Variants in FAM161B observed in about 807,000 individuals in gnomAD.
FAM161B encodes the protein protein FAM161B.
Under a neutral mutation model 61.5 loss-of-function variants are expected in FAM161B, and 46 were observed. The ratio of observed to expected loss-of-function variants is 0.75; its 90% CI spans 0.59 to 0.96. The LOEUF (loss-of-function observed/expected upper bound fraction) is 0.96, where lower values mean the gene tolerates loss of function less well. Ranked by LOEUF, FAM161B falls within the 40% of genes least tolerant of loss-of-function variation. The pLI is 0.00. For missense variants in FAM161B, 774 were observed against 800.7 expected, an observed-to-expected ratio of 0.97 and a Z score of 0.40; for synonymous variants, 284 against 302.7, an observed-to-expected ratio of 0.94 and a Z score of 0.64.
At position 73,950,076 on chromosome 14, in the gene FAM161B, C is replaced by T. The variant is rs1178939131; in HGVS notation, c.-50G>A. Reference sequence around the variant, plus strand: ...ACAGTGACAGCGATAGTGGCAGCAGCGGTGGCAGCGAGAGCTATGCGGGGC... The same window carrying T: ...ACAGTGACAGCGATAGTGGCAGCAGTGGTGGCAGCGAGAGCTATGCGGGGC... On this transcript the variant is annotated 5_prime_UTR_variant, in exon 1 of 9. Transcript: ENST00000286544. 1.9e-5 allele frequency: 30 copies of T among 1,604,750 alleles called. No homozygotes were observed. Among genetic ancestry groups the T allele is most frequent in the Non-Finnish European group, 2.5e-5 (29 of 1,179,094 alleles).
intron 4 of FAM161B, 130 bp downstream of exon 4, chr14:73,942,239 C>CGTTGGTGT: frequency 1.1e-6 from 1 of 895,540 alleles, no homozygotes. Context: ...AGTGAATCTG[C>CGTTGGTGT]TTACAACTGA....
Position 73,937,727 on chromosome 14 carries a change from G to T in FAM161B, c.1566-26C>A, listed in dbSNP as rs745536636. On this transcript the variant is annotated intron_variant, in intron 6 of 8. Coordinates refer to ENST00000286544, the MANE Select transcript of FAM161B (RefSeq NM_152445.3). ...CTGGAATTAGCAAGACTTTTAGAAA[G>T]AATTTCATCTTTTCTAATCCAGAAT... 1.8e-5 allele frequency: 29 copies of T among 1,605,988 alleles called. 1 individual carries two copies. The South Asian group carries it at 2.1e-4, about 12-fold the overall frequency.
chr14:73,945,273 G>A (rs1410463195), intron 2 of FAM161B, among the ~76,000 whole-genome samples: 1 of 152,144 alleles, frequency 6.6e-6, no homozygotes, highest in African/African-American at 2.4e-5. Flanking sequence ...CAGGTTATTG[G>A]AGGAGAAAGT....
intron 2 of FAM161B, among the ~76,000 whole-genome samples, chr14:73,946,012 A>G (rs143431327): frequency 1.9e-4 from 29 of 152,236 alleles, no homozygotes; most frequent in African/African-American, 3.4e-4. Flanking sequence ...AAAGTGCTGG[A>G]ATTACAGGTG....
Position 73,949,900 on chromosome 14 carries a change from G to C in FAM161B, c.54+73C>G, listed in dbSNP as rs77558787. 1.6e-3 allele frequency: 2,614 copies of C among 1,585,498 alleles called. 27 individuals carry two copies. In the African/African-American group the frequency reaches 0.031, roughly 19 times the overall value. On this transcript the variant is annotated intron_variant, in intron 1 of 8. Transcript: ENST00000286544. ...CCTCCGTGACACGCCCCTGCTGTCT[G>C]TCTCCAAGGCAACGCCCAACAGTTT...
In FAM161B at chr14:73,932,664, A is replaced by T. The variant is rs2140339263; in HGVS notation, c.*1592T>A. 1 of 363,910 alleles carries T rather than the reference A, an allele frequency of 2.7e-6. No homozygotes were observed. Among genetic ancestry groups the T allele is most frequent in the East Asian group, 7.4e-5 (1 of 13,578 alleles). The allele number at this position is 363,910 out of a possible 1,614,324, so 22.5% of individuals were successfully genotyped here. On this transcript the variant is annotated 3_prime_UTR_variant, in exon 9 of 9. Coordinates refer to ENST00000286544, the MANE Select transcript of FAM161B (RefSeq NM_152445.3). ...ATTTGAGATGGGGTCTTGCTCTGTC[A>T]CCCAGGCTGGAGTGCAGTAGTGTAA... is the stretch of plus-strand genomic sequence containing the variant.
chr14:73,945,883 G>C (rs531512250), intron 2 of FAM161B, among the ~76,000 whole-genome samples: 1 of 151,372 alleles, frequency 6.6e-6, no homozygotes, highest in African/African-American at 2.4e-5. Context: ...CTGGGATTAC[G>C]GGCACACGCC....
rs200623390 is a variant in FAM161B, at chr14:73,937,949, G to A, written c.1564C>T (p.Arg522Trp). ...TTTTGACACATAGAGGACACTGACC[G>A]GTTCTCTTTCAGCTTTGCTTTGAAC... is the stretch of plus-strand genomic sequence containing the variant. ...EVFKAKLKEN[R>W]NNDRKRAKEY... Residue 522 changes from arginine to tryptophan, a missense_variant and splice_region_variant, in exon 6 of 9, where the codon CGG (arginine) becomes TGG (tryptophan). Transcript: ENST00000286544. The A allele has an allele frequency of 2.4e-5, 39 of 1,614,162 alleles. No individual in the cohort carries two copies. In the Admixed American group the frequency reaches 3.8e-4, roughly 16 times the overall value.
In FAM161B at chr14:73,944,846, A is replaced by G; in HGVS notation, c.414T>C (p.Leu138=). 1 of 1,530,442 alleles carries G rather than the reference A, an allele frequency of 6.5e-7. No homozygotes were observed. Among genetic ancestry groups the G allele is most frequent in the South Asian group, 1.3e-5 (1 of 78,290 alleles). 94.8% of individuals were successfully genotyped at this position (1,530,442 alleles called of 1,614,324 possible). ...TCTGAGGCCTGGGAATGTTGGAGGGAAGGTTGTTCAGGGAGCTGCAGCGCC... is the reference window on the plus strand; with the variant it reads ...TCTGAGGCCTGGGAATGTTGGAGGGGAGGTTGTTCAGGGAGCTGCAGCGCC... ...STRRCSSLNN[L]PSNIPRPQTQ... The change falls in exon 3 of 9, where the codon CTT becomes CTC. Residue 138 remains leucine, a synonymous_variant. Transcript: ENST00000286544.
At chr14:73,942,306 C>T in intron 4 of FAM161B, 63 bp downstream of exon 4, 1 of 1,514,404 alleles carries the variant, frequency 6.6e-7, no homozygotes, top group Non-Finnish European at 8.9e-7. Flanking sequence ...TCCAGGAAGA[C>T]CTGGCCCCAC....
rs1566673129 is a variant in FAM161B at position 73,937,620 on chromosome 14, G to A, written c.1647C>T (p.Leu549=). The A allele has an allele frequency of 2.5e-6, 4 of 1,613,712 alleles. No homozygotes were observed. Among genetic ancestry groups the A allele is most frequent in the Non-Finnish European group, 3.4e-6 (4 of 1,179,890 alleles). ...GTTTTACCTTGGCAACTTGTTCAAA[G>A]AGATAGGGCCTTGTTTGTATTCGCT... is the stretch of plus-strand genomic sequence containing the variant. The part of the protein sequence containing the change: ...MKQRIQTRPY[L]FEQVAKDLAK... Residue 549 remains leucine, a synonymous_variant, in exon 7 of 9, where the codon CTC becomes CTT. Transcript: ENST00000286544.
At chr14:73,934,769 A>T (rs753371079) in intron 8 of FAM161B, among the ~76,000 whole-genome samples, 23 of 152,122 alleles carry the variant, frequency 1.5e-4, no homozygotes, top group Non-Finnish European at 7.4e-5. Flanking sequence ...GTCTTAAAGC[A>T]CTGTGTAAGG....
intron 4 of FAM161B, 136 bp downstream of exon 4, chr14:73,942,233 A>G: frequency 1.2e-6 from 1 of 837,542 alleles, no homozygotes; most frequent in Non-Finnish European, 1.8e-6. Context: ...TAGGAAAGTG[A>G]ATCTGCTTAC....
At chr14:73,947,384 T>TG (rs1594779479) in intron 1 of FAM161B, among the ~76,000 whole-genome samples, 1 of 35,468 alleles carries the variant, frequency 2.8e-5, no homozygotes, top group Non-Finnish European at 6.1e-5. Context: ...ATGCTCCGTC[T>TG]CAAAAAAAAA....
Position 73,936,099 on chromosome 14 carries a change from G to C in FAM161B, c.1666-11C>G, listed in dbSNP as rs770686304. 1 of 1,596,896 alleles carries C rather than the reference G, an allele frequency of 6.3e-7. No individual in the cohort carries two copies. The highest frequency in any genetic ancestry group is 1.1e-5 in the South Asian group (1 of 88,370). On this transcript the variant is annotated splice_polypyrimidine_tract_variant and intron_variant, in intron 7 of 8. Coordinates refer to ENST00000286544, the MANE Select transcript of FAM161B (RefSeq NM_152445.3). Reference sequence around the variant, plus strand: ...TTTCTTGGCTAGATCCTGTGGGATGGAAATTAATCTGTTGTAGCTGTCTTA... The same window carrying C: ...TTTCTTGGCTAGATCCTGTGGGATGCAAATTAATCTGTTGTAGCTGTCTTA...
chr14:73,948,541 G>A (rs1292575688), intron 1 of FAM161B, among the ~76,000 whole-genome samples: 3 of 152,134 alleles, frequency 2.0e-5, no homozygotes, highest in Non-Finnish European at 4.4e-5. Context: ...CCCTGGCTCT[G>A]CTACAGTGTG....
At chr14:73,942,803 G>T in intron 3 of FAM161B, 88 bp from the exon 4 acceptor site, 1 of 1,232,582 alleles carries the variant, frequency 8.1e-7, no homozygotes, top group Admixed American at 2.6e-5. Flanking sequence ...CACACTAGCT[G>T]TAAGTGTTAC....
At chr14:73,935,378 A>C (rs1407346501) in intron 8 of FAM161B, among the ~76,000 whole-genome samples, 2 of 151,876 alleles carry the variant, frequency 1.3e-5, no homozygotes, top group African/African-American at 4.8e-5. Context: ...ATACACAAAA[A>C]TTAGCCAGGC....
At chr14:73,926,209 T>G in the FAM161B span, among the ~76,000 whole-genome samples, 2 of 152,192 alleles carry the variant, frequency 1.3e-5, no homozygotes, top group Non-Finnish European at 2.9e-5. Context: ...TATAATATCT[T>G]TACCACTTCA....
Sources: allele counts gnomAD v4.1 joint callset (sites outside exome capture counted in the v4.1 genomes callset), GRCh38; gene constraint gnomAD v4.1.1; transcripts MANE v1.5; gene names NCBI Gene and HGNC (gene_info 2026-07-23, HGNC 2026-07-21).